Variants in AGT observed in about 807,000 individuals in gnomAD.
AGT encodes alpha-1 antiproteinase, antitrypsin.
A neutral mutation model predicts 28.1 loss-of-function variants in AGT; 26 were observed. The ratio of observed to expected loss-of-function variants is 0.92; its 90% CI spans 0.68 to 1.28. The LOEUF (loss-of-function observed/expected upper bound fraction) is 1.28. Ranked by LOEUF, AGT falls within the 50% of genes most tolerant of loss-of-function variation. AGT has a pLI of 0.00. For missense variants in AGT, 596 were observed against 592.3 expected (o/e 1.01, Z -0.06); for synonymous variants, 259 against 259.6 (o/e 1.00, Z 0.02).
upstream of AGT, among the ~76,000 whole-genome samples, chr1:230,718,785 G>A (rs1181223125): frequency 3.4e-5 from 5 of 146,510 alleles, no homozygotes; most frequent in East Asian, 1.1e-3. Flanking sequence ...GAGTGCAGTG[G>A]CACAATCATG....
chr1:230,721,339 A>C (rs181283808), intron 1 of AGT, among the ~76,000 whole-genome samples: 2 of 152,366 alleles, frequency 1.3e-5, no homozygotes, highest in Admixed American at 1.3e-4. Context: ...CAGCAAGCAA[A>C]GAATGATAGA....
intron 1 of AGT, among the ~76,000 whole-genome samples, chr1:230,737,287 GAAT>G (rs1664174165): frequency 6.6e-6 from 1 of 152,046 alleles, no homozygotes; most frequent in Non-Finnish European, 1.5e-5. Flanking sequence ...TGACTACTAA[GAAT>G]AATACTTAGA....
upstream of AGT, among the ~76,000 whole-genome samples, chr1:230,717,313 G>A (rs1177646457): frequency 6.6e-6 from 1 of 152,012 alleles, no homozygotes. Context: ...TTTCTGAGAT[G>A]AGACTTGGTC....
At chr1:230,742,707 T>C (rs1238021640) in intron 1 of AGT, among the ~76,000 whole-genome samples, 1 of 152,222 alleles carries the variant, frequency 6.6e-6, no homozygotes, top group Non-Finnish European at 1.5e-5. Flanking sequence ...CTGTACACTG[T>C]TCCACTTCAT....
chr1:230,743,766 G>A (rs1664291739), intron 1 of AGT, among the ~76,000 whole-genome samples: 1 of 152,348 alleles, frequency 6.6e-6, no homozygotes, highest in South Asian at 2.1e-4. Context: ...TGAAGCTTCT[G>A]AGCATTTGTC....
chr1:230,713,167 T>C (rs534132766), intron 1 of AGT, among the ~76,000 whole-genome samples: 2 of 152,202 alleles, frequency 1.3e-5, no homozygotes, highest in Admixed American at 6.5e-5. Flanking sequence ...TATGCACTTA[T>C]TCTGTCCAGC....
chr1:230,717,001 C>T (rs996294688), upstream of AGT, among the ~76,000 whole-genome samples: 1 of 150,912 alleles, frequency 6.6e-6, no homozygotes, highest in African/African-American at 2.4e-5. Flanking sequence ...GTACTTTAAA[C>T]AATTGCTTTG....
At chr1:230,719,476 C>T (rs1178110229), upstream of AGT, among the ~76,000 whole-genome samples, 1 of 147,318 alleles carries the variant, frequency 6.8e-6, no homozygotes, top group African/African-American at 2.5e-5. Flanking sequence ...GGCGGGATCT[C>T]GGCTCACTGC....
At chr1:230,737,335 G>A (rs538777651) in intron 1 of AGT, among the ~76,000 whole-genome samples, 8 of 152,152 alleles carry the variant, frequency 5.3e-5, no homozygotes, top group Admixed American at 4.6e-4. Flanking sequence ...TTTTGAGATG[G>A]AGTTTCACTT....
chr1:230,707,226 G>A (rs951513902), intron 2 of AGT, among the ~76,000 whole-genome samples: 12 of 152,236 alleles, frequency 7.9e-5, no homozygotes, highest in African/African-American at 2.9e-4. Context: ...TTCCATGACA[G>A]CAGCCCACCC....
At chr1:230,727,997 G>GT (rs1404084472) in intron 1 of AGT, among the ~76,000 whole-genome samples, 1 of 152,168 alleles carries the variant, frequency 6.6e-6, no homozygotes, top group Admixed American at 6.6e-5. Flanking sequence ...GAAGGCAGGG[G>GT]TTTTTAAAAG....
chr1:230,740,806 G>A (rs911105517), intron 1 of AGT, among the ~76,000 whole-genome samples: 2 of 152,126 alleles, frequency 1.3e-5, no homozygotes, highest in African/African-American at 2.4e-5. Flanking sequence ...AAAATTAGCT[G>A]GATGTGGTGG....
chr1:230,739,792 C>G (rs1040487838), intron 1 of AGT, among the ~76,000 whole-genome samples: 2 of 152,042 alleles, frequency 1.3e-5, no homozygotes, highest in Admixed American at 1.3e-4. Context: ...ATGCCACTAT[C>G]AGAAGGAGGA....
At chr1:230,704,803 G>C (rs867604114) in intron 3 of AGT, among the ~76,000 whole-genome samples, 1 of 152,172 alleles carries the variant, frequency 6.6e-6, no homozygotes, top group Non-Finnish European at 1.5e-5. Flanking sequence ...TCTTCGTATA[G>C]AGCCTCTTCC....
chr1:230,719,456 G>A (rs997802200), upstream of AGT, among the ~76,000 whole-genome samples: 1 of 141,374 alleles, frequency 7.1e-6, no homozygotes, highest in African/African-American at 2.7e-5. Context: ...CGCCCAGGCT[G>A]GAGTGCAGTG....
At chr1:230,719,383 T>TA (rs1663799506), upstream of AGT, among the ~76,000 whole-genome samples, 3 of 147,730 alleles carry the variant, frequency 2.0e-5, no homozygotes, top group African/African-American at 7.6e-5. Context: ...CTTTCTATTT[T>TA]TTATTATTAT....
intron 1 of AGT, among the ~76,000 whole-genome samples, chr1:230,731,983 T>A (rs1296458107): frequency 2.0e-5 from 3 of 152,022 alleles, no homozygotes; most frequent in African/African-American, 7.2e-5. Flanking sequence ...TCCTCATCAC[T>A]CATATCTCAG....
chr1:230,707,599 C>T (rs1353285896), intron 2 of AGT, among the ~76,000 whole-genome samples: 1 of 152,174 alleles, frequency 6.6e-6, no homozygotes, highest in Non-Finnish European at 1.5e-5. Flanking sequence ...CTCGGAAGGG[C>T]ATGTGAGCGG....
intron 1 of AGT, among the ~76,000 whole-genome samples, chr1:230,711,814 T>C (rs1429908909): frequency 1.2e-5 from 1 of 83,202 alleles, no homozygotes; most frequent in Non-Finnish European, 2.0e-5. Flanking sequence ...TGGGACCACG[T>C]ATAAAAAAAA....
Sources: allele counts gnomAD v4.1 joint callset (sites outside exome capture counted in the v4.1 genomes callset), GRCh38; gene constraint gnomAD v4.1.1; transcripts MANE v1.5; gene names NCBI Gene and HGNC (gene_info 2026-07-23, HGNC 2026-07-21).